Variants in NDST3 observed in about 807,000 individuals in gnomAD.
The protein encoded by NDST3 is N-deacetylase and N-sulfotransferase 3.
NDST3 carries 58 observed loss-of-function variants against 96.1 expected under a neutral mutation model. That is an observed-to-expected ratio of 0.60 (90% CI 0.49 to 0.75). The LOEUF is 0.75. Ranked by LOEUF, NDST3 falls within the 30% of genes least tolerant of loss-of-function variation. The probability of loss-of-function intolerance (pLI) is 0.00; values close to 1 mark genes in which losing one functional copy is unlikely to be tolerated. For synonymous variants in NDST3, 333 were observed against 359.7 expected (o/e 0.93, Z 0.84); for missense variants, 788 against 1,034.2 (o/e 0.76, Z 3.27).
At chr4:118,053,401 A>G (rs951217417) in intron 1 of NDST3, among the ~76,000 whole-genome samples, 2 of 152,030 alleles carry the variant, frequency 1.3e-5, no homozygotes, top group Non-Finnish European at 2.9e-5. Flanking sequence ...TATGTATTAC[A>G]TAATGTATAG....
At chr4:118,082,144 G>A (rs578106602) in intron 2 of NDST3, among the ~76,000 whole-genome samples, 21 of 152,240 alleles carry the variant, frequency 1.4e-4, no homozygotes, top group African/African-American at 4.8e-4. Context: ...CTTTGGGGGT[G>A]ATTATTTTTC....
chr4:118,238,155 A>AAAG lies in NDST3; in HGVS notation c.2118+937_2118+938insGAA, dbSNP rs1740772122. 7.7e-3 allele frequency among the ~76,000 whole-genome samples: 700 copies of AAAG among 91,284 alleles called. 41 individuals are homozygous for AAAG. The highest frequency in any genetic ancestry group is 0.024 in the Middle Eastern group (4 of 168). The allele number at this position is 91,284 out of a possible 152,430, so 59.9% of individuals were successfully genotyped here. A position where few individuals can be genotyped will look rare whatever the true frequency, so the allele number is the denominator to read the frequency against. On this transcript the variant is annotated intron_variant, in intron 10 of 13. Transcript: ENST00000296499. ...AGAGAGAGAGAGAGAGAAAAGAAAG[A>AAAG]AAAGAAAGAAAGAAAGAAAGAAAGA...
chr4:118,113,400 ATG>A (rs1207203894), intron 3 of NDST3, among the ~76,000 whole-genome samples: 1 of 152,240 alleles, frequency 6.6e-6, no homozygotes, highest in African/African-American at 2.4e-5. Flanking sequence ...GTACTTAAGC[ATG>A]CGAAAGTGAA....
At position 118,241,933 on chromosome 4, in the gene NDST3, C is replaced by A. The variant is rs180835501; in HGVS notation, c.2290-107C>A. ...CTATCTAACACCAATGCATGCAATT[C>A]TGCTCAGGACAGTGTCTCTCACTGA... On this transcript the variant is annotated intron_variant, in intron 11 of 13. Coordinates refer to ENST00000296499, the MANE Select transcript of NDST3 (RefSeq NM_004784.3). 4.3e-6 allele frequency: 3 copies of A among 691,558 alleles called. No homozygotes were observed. In the Admixed American group the frequency reaches 7.8e-5, roughly 18 times the overall value. The allele number at this position is 691,558 out of a possible 1,614,324, so 42.8% of individuals were successfully genotyped here. A position where few individuals can be genotyped will look rare whatever the true frequency, so the allele number is the denominator to read the frequency against.
intron 2 of NDST3, among the ~76,000 whole-genome samples, chr4:118,067,285 A>C (rs1179128589): frequency 6.6e-6 from 1 of 152,076 alleles, no homozygotes; most frequent in African/African-American, 2.4e-5. Flanking sequence ...GCTTTAAAAA[A>C]GTAAGTTAGG....
Position 118,121,825 on chromosome 4 carries a change from C to A in NDST3, c.1224+6865C>A, listed in dbSNP as rs182402968. The stretch of plus-strand genomic sequence containing the variant: ...TCTGTATTTCACCTACATGAGGATA[C>A]CCCCTCTTACCCATATCTACAGTAC... On this transcript the variant is annotated intron_variant, in intron 4 of 13. Transcript: ENST00000296499. Among the ~76,000 whole-genome samples the A allele has an allele frequency of 4.6e-4, 70 of 152,254 alleles. No homozygotes were observed. The Middle Eastern group carries it at 0.01, about 22-fold the overall frequency.
At chr4:118,252,352 A>G (rs1199512365) in intron 12 of NDST3, among the ~76,000 whole-genome samples, 1 of 152,222 alleles carries the variant, frequency 6.6e-6, no homozygotes, top group East Asian at 1.9e-4. Flanking sequence ...AGAAGTGTAT[A>G]GTACAAGGTA....
intron 6 of NDST3, among the ~76,000 whole-genome samples, chr4:118,183,583 C>T (rs1042518744): frequency 6.6e-6 from 1 of 152,142 alleles, no homozygotes; most frequent in Non-Finnish European, 1.5e-5. Context: ...TTTCAGAGAA[C>T]TAGTTTTCCT....
intron 2 of NDST3, among the ~76,000 whole-genome samples, chr4:118,068,941 G>A (rs895676116): frequency 6.6e-6 from 1 of 152,036 alleles, no homozygotes; most frequent in Non-Finnish European, 1.5e-5. Context: ...TAATATTTTG[G>A]CAAATATGTG....
rs1263381974 is a variant in NDST3, at chr4:118,034,584, T to C, written c.-164T>C. 1 of 152,252 alleles carries C rather than the reference T, an allele frequency of 6.6e-6. No homozygotes were observed. Among genetic ancestry groups the C allele is most frequent in the African/African-American group, 2.4e-5 (1 of 41,466 alleles). The allele number at this position is 152,252 out of a possible 1,614,324, so 9.4% of individuals were successfully genotyped here. A position where few individuals can be genotyped will look rare whatever the true frequency, so the allele number is the denominator to read the frequency against. On this transcript the variant is annotated 5_prime_UTR_variant, in exon 1 of 14. The change abolishes the stop of an existing upstream ORF in the 5' untranslated region. Coordinates refer to ENST00000296499, the MANE Select transcript of NDST3 (RefSeq NM_004784.3). ...CTCAAGCATTTTCAGCTCTGAACTT[T>C]AATTCCAGGTAAGTGTATTTATTTA...
chr4:118,198,570 C>G (rs577739187), intron 6 of NDST3, among the ~76,000 whole-genome samples: 1 of 152,208 alleles, frequency 6.6e-6, no homozygotes, highest in South Asian at 2.1e-4. Context: ...TAATCTTTCT[C>G]CTTAAATAAC....
At chr4:118,229,191 C>G (rs1740108813) in intron 8 of NDST3, among the ~76,000 whole-genome samples, 1 of 152,182 alleles carries the variant, frequency 6.6e-6, no homozygotes, top group Admixed American at 6.5e-5. Flanking sequence ...GTCCCAGGTA[C>G]TCAGGAGGCT....
chr4:118,081,902 A>G (rs1470203888), intron 2 of NDST3, among the ~76,000 whole-genome samples: 1 of 152,172 alleles, frequency 6.6e-6, no homozygotes, highest in Non-Finnish European at 1.5e-5. Flanking sequence ...GCCTCAGAAG[A>G]ATTTAACAGC....
intron 2 of NDST3, chr4:118,055,124 G>C: frequency 1.8e-6 from 1 of 558,098 alleles, no homozygotes; most frequent in East Asian, 3.3e-5. Context: ...TCCTGAAATG[G>C]TTTTCTACAT....
chr4:118,194,066 G>T (rs1737501829), intron 6 of NDST3: 2 of 1,447,554 alleles, frequency 1.4e-6, no homozygotes, highest in African/African-American at 1.4e-5. Flanking sequence ...CTAGGCATTT[G>T]GTGGGATTTG....
Position 118,053,738 on chromosome 4 carries a change from T to G in NDST3, c.-155-18T>G, listed in dbSNP as rs1725232197. ...AATGCTGCAAACTGACTGTTTTATA[T>G]TCTTTTCTATTTTTCAGACTGTATT... On this transcript the variant is annotated intron_variant, in intron 1 of 13. Coordinates refer to ENST00000296499, the MANE Select transcript of NDST3 (RefSeq NM_004784.3). The G allele has an allele frequency of 5.0e-5, 33 of 658,472 alleles. No homozygotes were observed. The South Asian group carries it at 8.2e-4, about 16-fold the overall frequency. 40.8% of individuals were successfully genotyped at this position (658,472 alleles called of 1,614,324 possible).
At chr4:118,044,227 A>T (rs1292802445) in intron 1 of NDST3, among the ~76,000 whole-genome samples, 1 of 152,242 alleles carries the variant, frequency 6.6e-6, no homozygotes, top group Non-Finnish European at 1.5e-5. Flanking sequence ...AAATGGGAGG[A>T]TATGAGATTT....
rs531000096 is a variant in NDST3, at chr4:118,173,156, A to G, written c.1539+29472A>G. Among the ~76,000 whole-genome samples the G allele has an allele frequency of 7.2e-3, 984 of 136,678 alleles. 10 individuals are homozygous for G. Among genetic ancestry groups the G allele is most frequent in the African/African-American group, 0.029 (939 of 32,130 alleles). 89.7% of individuals were successfully genotyped at this position (136,678 alleles called of 152,430 possible). ...TATATGTGTGTGTGTGTGTGTGTGTATATATATATATGATAAAATAAGATA... is the reference window on the plus strand; with the variant it reads ...TATATGTGTGTGTGTGTGTGTGTGTGTATATATATATGATAAAATAAGATA... On this transcript the variant is annotated intron_variant, in intron 6 of 13. Transcript: ENST00000296499.
intron 6 of NDST3, among the ~76,000 whole-genome samples, chr4:118,144,489 T>G (rs887320390): frequency 2.0e-5 from 3 of 152,162 alleles, no homozygotes; most frequent in Non-Finnish European, 2.9e-5. Flanking sequence ...CGGGCTACTC[T>G]TTTACTTCTT....
Sources: allele counts gnomAD v4.1 joint callset (sites outside exome capture counted in the v4.1 genomes callset), GRCh38; gene constraint gnomAD v4.1.1; transcripts MANE v1.5; gene names NCBI Gene and HGNC (gene_info 2026-07-23, HGNC 2026-07-21).